Variants in PATJ observed in about 807,000 individuals in gnomAD.
The protein encoded by PATJ is PATJ crumbs cell polarity complex component.
Under a neutral mutation model 224.9 loss-of-function variants are expected in PATJ, and 190 were observed. The ratio of observed to expected loss-of-function variants is 0.84; its 90% CI spans 0.75 to 0.95. PATJ has a LOEUF of 0.95. Among genes scored for constraint, PATJ ranks in the 40% least tolerant of loss-of-function variants. PATJ has a pLI of 0.00. For missense variants in PATJ, 2,121 were observed against 2,270.3 expected, an observed-to-expected ratio of 0.93 and a Z score of 1.34; for synonymous variants, 769 against 820.3, an observed-to-expected ratio of 0.94 and a Z score of 1.07.
intron 33 of PATJ, among the ~76,000 whole-genome samples, chr1:62,092,439 G>T (rs1406123690): frequency 2.7e-5 from 4 of 150,570 alleles, no homozygotes; most frequent in African/African-American, 9.7e-5. Context: ...TATTCTTAAT[G>T]ATAAAAAGTC....
intron 42 of PATJ, among the ~76,000 whole-genome samples, chr1:62,152,152 G>C (rs1037418004): frequency 3.3e-5 from 5 of 152,124 alleles, no homozygotes; most frequent in African/African-American, 7.2e-5. Flanking sequence ...AGACAAAGAG[G>C]TTATAGTCTG....
intron 32 of PATJ, among the ~76,000 whole-genome samples, chr1:62,083,278 C>T (rs1401469618): frequency 3.3e-5 from 5 of 152,168 alleles, no homozygotes; most frequent in African/African-American, 4.8e-5. Flanking sequence ...GCATGAACCA[C>T]GCCCAGCTAT....
At chr1:61,995,887 A>G (rs1212612466) in intron 28 of PATJ, among the ~76,000 whole-genome samples, 1 of 152,190 alleles carries the variant, frequency 6.6e-6, no homozygotes, top group Non-Finnish European at 1.5e-5. Context: ...CTTCAGTGCC[A>G]ATGTAGGAAA....
chr1:61,815,661 T>G (rs1207737164), intron 14 of PATJ, among the ~76,000 whole-genome samples: 1 of 152,032 alleles, frequency 6.6e-6, no homozygotes, highest in Non-Finnish European at 1.5e-5. Flanking sequence ...ACCAACCTGG[T>G]CAACAGAGGG....
rs915369677 is a variant in PATJ, at chr1:62,018,921, C to G, written c.3959+974C>G. ...TGGGCACTAACGTGATTGAAATATCCCTTCCCACTTCTACTTTGCTCCTGA... is the reference window on the plus strand; with the variant it reads ...TGGGCACTAACGTGATTGAAATATCGCTTCCCACTTCTACTTTGCTCCTGA... On this transcript the variant is annotated intron_variant, in intron 29 of 43. Transcript: ENST00000642238. This position sits in a 1 kb window ranked among gnomAD's most constrained non-coding sequence, Gnocchi z 4.2. Among the ~76,000 whole-genome samples, 4 of 152,060 alleles carry G rather than the reference C, an allele frequency of 2.6e-5. No homozygotes were observed. The highest frequency in any genetic ancestry group is 5.9e-5 in the Non-Finnish European group (4 of 68,018).
At chr1:61,955,808 A>G (rs2482880) in intron 27 of PATJ, among the ~76,000 whole-genome samples, 1 of 152,142 alleles carries the variant, frequency 6.6e-6, no homozygotes, top group African/African-American at 2.4e-5. Context: ...AAGAAGTTTT[A>G]ATTTTTCGTG....
chr1:61,806,129 C>T (rs1399932335), intron 13 of PATJ, among the ~76,000 whole-genome samples: 3 of 152,298 alleles, frequency 2.0e-5, no homozygotes, highest in South Asian at 2.1e-4. Context: ...TGAAGGCAGA[C>T]GGTTGTGCTT....
intron 27 of PATJ, among the ~76,000 whole-genome samples, chr1:61,954,951 C>T (rs1397419700): frequency 6.6e-6 from 1 of 152,050 alleles, no homozygotes; most frequent in Non-Finnish European, 1.5e-5. Flanking sequence ...GACAGGGTTT[C>T]ACCATGTTAG....
intron 30 of PATJ, among the ~76,000 whole-genome samples, chr1:62,039,819 C>T (rs994558745): frequency 2.6e-5 from 4 of 152,106 alleles, no homozygotes; most frequent in Admixed American, 2.0e-4. Flanking sequence ...GTGCTAGCTC[C>T]GGTGCCTTAT....
chr1:61,829,611 A>G (rs1478727977), intron 16 of PATJ, among the ~76,000 whole-genome samples: 1 of 152,256 alleles, frequency 6.6e-6, no homozygotes, highest in African/African-American at 2.4e-5. Context: ...GATTGTATCA[A>G]AGTGATATAT....
intron 27 of PATJ, among the ~76,000 whole-genome samples, chr1:61,987,158 C>A (rs1487885025): frequency 6.6e-6 from 1 of 151,762 alleles, no homozygotes; most frequent in East Asian, 1.9e-4. Context: ...TTTTAAAGTT[C>A]TCTTTTTATT....
chr1:62,106,158 G>GTGTATA lies in PATJ; in HGVS notation c.4378-2278_4378-2277insGTATAT, dbSNP rs1356937495. Among the ~76,000 whole-genome samples, 22 of 48,064 alleles carry GTGTATA rather than the reference G, an allele frequency of 4.6e-4. 4 individuals are homozygous for GTGTATA. Among genetic ancestry groups the GTGTATA allele is most frequent in the East Asian group, 7.0e-4 (2 of 2,844 alleles). 31.5% of individuals were successfully genotyped at this position (48,064 alleles called of 152,430 possible). A position where few individuals can be genotyped will look rare whatever the true frequency, so the allele number is the denominator to read the frequency against. On this transcript the variant is annotated intron_variant, in intron 33 of 43. Transcript: ENST00000642238. ...TACATGTGTATATGTGTGTGTGTGT[G>GTGTATA]TATATATATATATATATATATATAT...
At chr1:61,817,201 A>G (rs1006659082) in intron 14 of PATJ, among the ~76,000 whole-genome samples, 11 of 152,336 alleles carry the variant, frequency 7.2e-5, no homozygotes, top group African/African-American at 2.4e-4. Context: ...TAGTTCAAGT[A>G]TCAAAAATTC....
intron 1 of PATJ, among the ~76,000 whole-genome samples, chr1:61,759,025 G>T (rs2148259533): frequency 6.6e-6 from 1 of 152,264 alleles, no homozygotes; most frequent in South Asian, 2.1e-4. Flanking sequence ...AGGGAGACCA[G>T]ATATATCCTG....
At chr1:61,969,299 A>G (rs34843158) in intron 27 of PATJ, among the ~76,000 whole-genome samples, 35,688 of 152,162 alleles carry the variant, frequency 0.23, 4,699 homozygotes, top group African/African-American at 0.35. Flanking sequence ...AGGTATGTCC[A>G]TACTCTTCCA....
chr1:61,909,001 A>G (rs189744615), intron 25 of PATJ, among the ~76,000 whole-genome samples: 1 of 152,224 alleles, frequency 6.6e-6, no homozygotes, highest in African/African-American at 2.4e-5. Context: ...TTTTTTTGAG[A>G]TGGAGTCTTG....
At position 61,884,309 on chromosome 1, in the gene PATJ, A is replaced by C. The variant is rs777808872; in HGVS notation, c.3032A>C (p.Gln1011Pro). Residue 1011 changes from glutamine to proline, a missense_variant, in exon 22 of 44, where the codon CAA (glutamine) becomes CCA (proline). Physicochemically the swap from Gln to Pro is moderately conservative, Grantham distance 76. Transcript: ENST00000642238. ...CCTGTTGTGGCTCAAAGGAGGGAGC[A>C]AGAAGATTTGCCTTTATATCAACAC... Reference protein sequence around the residue: ...DLPVVAQRREQEDLPLYQHQA... With the variant: ...DLPVVAQRREPEDLPLYQHQA... 2 of 1,613,842 alleles carry C rather than the reference A, an allele frequency of 1.2e-6. No homozygotes were observed. Among genetic ancestry groups the C allele is most frequent in the African/African-American group, 2.7e-5 (2 of 75,034 alleles).
chr1:62,144,677 A>G (rs1324263283), intron 41 of PATJ, among the ~76,000 whole-genome samples: 1 of 151,356 alleles, frequency 6.6e-6, no homozygotes, highest in Non-Finnish European at 1.5e-5. Context: ...TAAGAGGCTG[A>G]AACTGAACTC....
At chr1:61,923,673 T>G (rs546474247) in intron 26 of PATJ, among the ~76,000 whole-genome samples, 1 of 151,896 alleles carries the variant, frequency 6.6e-6, no homozygotes, top group Admixed American at 6.6e-5. Flanking sequence ...ATCCCAGCAC[T>G]TTGGGAGGCT....
Sources: gnomAD v4.1 joint callset for allele counts (sites outside exome capture counted in the v4.1 genomes callset) on GRCh38, gnomAD v4.1.1 for gene constraint, Gnocchi (gnomAD v3.1) non-coding constraint, MANE v1.5 for transcripts, NCBI Gene and HGNC (gene_info 2026-07-23, HGNC 2026-07-21) for gene names.